TSNAXIP1: variants seen among roughly 807,000 people sequenced by gnomAD.
TSNAXIP1 encodes the protein translin-associated factor X-interacting protein 1.
A neutral mutation model predicts 84.8 loss-of-function variants in TSNAXIP1; 89 were observed. The observed-to-expected ratio is 1.05, with a 90% CI of 0.88 to 1.25. TSNAXIP1 has a LOEUF of 1.25. Ranked by LOEUF, TSNAXIP1 falls within the 50% of genes most tolerant of loss-of-function variation. TSNAXIP1 has a pLI of 0.00. For synonymous variants in TSNAXIP1, 347 were observed against 335.2 expected (o/e 1.04, Z -0.39); for missense variants, 874 against 887.6 (o/e 0.98, Z 0.20).
intron 4 of TSNAXIP1, 101 bp from the exon 5 acceptor site, chr16:67,823,524 TG>T: frequency 2.3e-6 from 2 of 853,076 alleles, no homozygotes; most frequent in African/African-American, 1.7e-5. Context: ...GCCTGGGTGA[TG>T]GAGCGACACT....
chr16:67,815,679 T>C (rs1164669403), intron 2 of TSNAXIP1, among the ~76,000 whole-genome samples: 1 of 152,102 alleles, frequency 6.6e-6, no homozygotes, highest in East Asian at 1.9e-4. Context: ...TTGCATTTTT[T>C]GTAGAGGCAG....
intron 2 of TSNAXIP1, among the ~76,000 whole-genome samples, chr16:67,817,841 G>T (rs2056713447): frequency 6.6e-6 from 1 of 151,828 alleles, no homozygotes; most frequent in East Asian, 1.9e-4. Context: ...AGCCAAGATA[G>T]TGCCACTGCG....
Position 67,826,065 on chromosome 16 carries a change from C to A in TSNAXIP1, c.1133C>A (p.Thr378Asn), listed in dbSNP as rs756246825. 5 of 1,613,584 alleles carry A rather than the reference C, an allele frequency of 3.1e-6. No homozygotes were observed. In the South Asian group the frequency reaches 5.5e-5, roughly 18 times the overall value. The change falls in exon 9 of 16, where the codon ACC becomes AAC. Residue 378 changes from threonine (T) to asparagine (N), a missense_variant. By Grantham distance (65) the Thr-to-Asn change is moderately conservative. Coordinates refer to ENST00000561639, the MANE Select transcript of TSNAXIP1 (RefSeq NM_001288990.3). ...QRTSTPRPDW[T>N]KCKDVVAGGP... ...ACTTCCACGCCGCGGCCTGACTGGA[C>A]CAAGTGCAAAGGTGAGGGCAGCCGG...
At chr16:67,826,900 T>G in intron 12 of TSNAXIP1, 56 bp downstream of exon 12, 1 of 1,612,448 alleles carries the variant, frequency 6.2e-7, no homozygotes, top group Non-Finnish European at 8.5e-7. Context: ...GTCCCTAGCA[T>G]AGACCAGCTT....
At position 67,825,910 on chromosome 16, in the gene TSNAXIP1, C is replaced by G. The variant is rs2057403712; in HGVS notation, c.985-7C>G. On this transcript the variant is annotated splice_polypyrimidine_tract_variant and splice_region_variant and intron_variant, in intron 8 of 15. Transcript: ENST00000561639. Reference sequence around the variant, plus strand: ...TGGGGGGCCAGGGCCAATGTCCTTGCCCACAGCTGGACACCCTGAGAGCCA... The same window carrying G: ...TGGGGGGCCAGGGCCAATGTCCTTGGCCACAGCTGGACACCCTGAGAGCCA... The G allele has an allele frequency of 6.2e-7, 1 of 1,613,940 alleles. No homozygotes were observed. Among genetic ancestry groups the G allele is most frequent in the Admixed American group, 1.7e-5 (1 of 59,980 alleles).
chr16:67,826,362 C>T (rs530130741), intron 10 of TSNAXIP1, 75 bp from the exon 11 acceptor site: 1 of 1,604,928 alleles, frequency 6.2e-7, no homozygotes, highest in Non-Finnish European at 8.5e-7. Flanking sequence ...TTTTGGGGAA[C>T]CAACTGGGGA....
intron 2 of TSNAXIP1, among the ~76,000 whole-genome samples, chr16:67,820,109 T>C (rs570771675): frequency 1.0e-4 from 15 of 149,876 alleles, no homozygotes; most frequent in African/African-American, 3.4e-4. Context: ...TGAGCCACCA[T>C]GCCCGGCCTA....
rs757672900 is a variant in TSNAXIP1, at chr16:67,814,280, C to T, written c.48-22C>T. ...CACTCTGGACTCTGTCACCCACCAT[C>T]AGCTTTCCCTTCTCTGTGCAGATTA... On this transcript the variant is annotated intron_variant, in intron 1 of 15. Coordinates refer to ENST00000561639, the MANE Select transcript of TSNAXIP1 (RefSeq NM_001288990.3). The T allele has an allele frequency of 9.2e-6, 14 of 1,519,252 alleles. No homozygotes were observed. In the African/African-American group the frequency reaches 1.9e-4, roughly 21 times the overall value. 94.1% of individuals were successfully genotyped at this position (1,519,252 alleles called of 1,614,324 possible). A position where few individuals can be genotyped will look rare whatever the true frequency, so the allele number is the denominator to read the frequency against.
intron 1 of TSNAXIP1, among the ~76,000 whole-genome samples, chr16:67,809,705 T>A (rs1446416122): frequency 1.3e-5 from 2 of 152,026 alleles, no homozygotes; most frequent in Non-Finnish European, 2.9e-5. Flanking sequence ...CCCAACACTT[T>A]AGGAGTCTGA....
intron 2 of TSNAXIP1, among the ~76,000 whole-genome samples, chr16:67,814,777 G>T (rs891251928): frequency 6.6e-6 from 1 of 152,110 alleles, no homozygotes; most frequent in Non-Finnish European, 1.5e-5. Context: ...CACCAGATCT[G>T]CCAAGGTCCT....
At chr16:67,807,290 G>T (rs1854004744) in intron 1 of TSNAXIP1, 94 bp downstream of exon 1, 1 of 1,534,898 alleles carries the variant, frequency 6.5e-7, no homozygotes, top group Admixed American at 2.0e-5. Context: ...CCTCCTGCTG[G>T]CCTCTGACCA....
intron 2 of TSNAXIP1, among the ~76,000 whole-genome samples, chr16:67,818,029 T>C (rs943541272): frequency 2.7e-5 from 4 of 148,814 alleles, no homozygotes; most frequent in African/African-American, 1.0e-4. Context: ...GCCAACATGG[T>C]GAAACCCCAT....
At position 67,806,996 on chromosome 16, in the gene TSNAXIP1, C is replaced by G. The variant is rs887187351; in HGVS notation, c.-154C>G. ...CCACCTTTGCTACTTTGTCCTACTCCCAGCCCGCGGGCGCTAGGCTCGGGG... is the reference window on the plus strand; with the variant it reads ...CCACCTTTGCTACTTTGTCCTACTCGCAGCCCGCGGGCGCTAGGCTCGGGG... On this transcript the variant is annotated 5_prime_UTR_variant, in exon 1 of 16. Transcript: ENST00000561639. The G allele has an allele frequency of 3.1e-6, 4 of 1,289,348 alleles. No individual in the cohort carries two copies. In the African/African-American group the frequency reaches 6.0e-5, roughly 19 times the overall value. 79.9% of individuals were successfully genotyped at this position (1,289,348 alleles called of 1,614,324 possible).
Position 67,820,957 on chromosome 16 carries a change from C to A in TSNAXIP1, c.260+6C>A. ...GACTACCGGAAGCGAGTAGGGTAAG[C>A]CAGGGTCAGTCCCATGGTGGGTGAG... is the stretch of plus-strand genomic sequence containing the variant. On this transcript the variant is annotated splice_donor_region_variant and intron_variant, in intron 3 of 15. Transcript: ENST00000561639. The A allele has an allele frequency of 6.3e-7, 1 of 1,594,640 alleles. No homozygotes were observed. Among genetic ancestry groups the A allele is most frequent in the Non-Finnish European group, 8.5e-7 (1 of 1,170,500 alleles).
chr16:67,827,067 G>C lies in TSNAXIP1; in HGVS notation c.1659G>C (p.Gln553His), dbSNP rs754880738. ...ACGAGGGGCTACTAACCATGGAGCA[G>C]TTCAAGTGAGAGGCCAGTCCAGGCT... ...SQNEGLLTME[Q>H]FNTVLKSTFP... The change falls in exon 13 of 16, where the codon CAG becomes CAC. Residue 553 changes from glutamine (Q) to histidine (H), a missense_variant. Physicochemically the swap from Gln to His is conservative, Grantham distance 24. Transcript: ENST00000561639. 1.9e-6 allele frequency: 3 copies of C among 1,613,966 alleles called. No homozygotes were observed. In the South Asian group the frequency reaches 3.3e-5, roughly 18 times the overall value.
At chr16:67,824,018 CAAAAAAAA>C (rs10674785) in intron 5 of TSNAXIP1, among the ~76,000 whole-genome samples, 1 of 89,156 alleles carries the variant, frequency 1.1e-5, no homozygotes, top group Non-Finnish European at 2.1e-5. Context: ...GACTCCATCG[CAAAAAAAA>C]AAAAAAAAAA....
rs529293268 is a variant in TSNAXIP1, at chr16:67,827,782, G to A, written c.1928G>A (p.Arg643Gln). The A allele has an allele frequency of 2.7e-5, 44 of 1,614,120 alleles. No individual in the cohort carries two copies. In the East Asian group the frequency reaches 8.2e-4, roughly 30 times the overall value. The change falls in exon 16 of 16, where the codon CGA (arginine) becomes CAA (glutamine). Residue 643 changes from arginine to glutamine, a missense_variant. Coordinates refer to ENST00000561639, the MANE Select transcript of TSNAXIP1 (RefSeq NM_001288990.3). ...GAGGAAGTGACTCTGCCCAAGCTGCGAGGGGGCCTGATGACCATCGACCCC... is the reference window on the plus strand; with the variant it reads ...GAGGAAGTGACTCTGCCCAAGCTGCAAGGGGGCCTGATGACCATCGACCCC... ...LHEEVTLPKL[R>Q]GGLMTIDPSL...
intron 13 of TSNAXIP1, 70 bp downstream of exon 13, chr16:67,827,142 C>T (rs1350896578): frequency 1.2e-6 from 2 of 1,605,502 alleles, no homozygotes; most frequent in Non-Finnish European, 1.7e-6. Context: ...AAAAGGGGCA[C>T]CTGGTGGGAA....
Position 67,814,402 on chromosome 16 carries a change from GT to G in TSNAXIP1, c.147+3del. On this transcript the variant is annotated splice_donor_variant, in intron 2 of 15. Transcript: ENST00000561639. LOFTEE classifies it high-confidence loss of function. ...GCTTCTTCAGAAACGAAGGACGCTG[GT>G]TAGTGACAATGTTGTTTTGGAACCC... 3.3e-6 allele frequency: 5 copies of G among 1,535,640 alleles called. No individual in the cohort carries two copies. Among genetic ancestry groups the G allele is most frequent in the Non-Finnish European group, 4.4e-6 (5 of 1,146,544 alleles).
Sources: allele counts gnomAD v4.1 joint callset (sites outside exome capture counted in the v4.1 genomes callset), GRCh38; gene constraint gnomAD v4.1.1; transcripts MANE v1.5; gene names NCBI Gene and HGNC (gene_info 2026-07-23, HGNC 2026-07-21).